The following NHSL1 variants were observed in gnomAD, a reference collection of about 807,000 sequenced individuals.
NHSL1 encodes NHS like 1.
A neutral mutation model predicts 95.0 loss-of-function variants in NHSL1; 48 were observed. The ratio of observed to expected loss-of-function variants is 0.51; its 90% CI spans 0.40 to 0.64. NHSL1 has a LOEUF of 0.64. Ranked by LOEUF, NHSL1 falls within the 30% of genes least tolerant of loss-of-function variation. The pLI is 0.00. For synonymous variants in NHSL1, 783 were observed against 833.9 expected, an observed-to-expected ratio of 0.94 and a Z score of 1.05; for missense variants, 1,971 against 2,077.7, an observed-to-expected ratio of 0.95 and a Z score of 1.00.
chr6:138,584,547 T>C (rs1784105400), intron 1 of NHSL1, among the ~76,000 whole-genome samples: 2 of 152,222 alleles, frequency 1.3e-5, no homozygotes, highest in Non-Finnish European at 2.9e-5. Context: ...GCAATTACTT[T>C]TGTTACAGTC....
chr6:138,673,511 T>C (rs1000571909), intron 1 of NHSL1, among the ~76,000 whole-genome samples: 3 of 151,382 alleles, frequency 2.0e-5, no homozygotes, highest in Non-Finnish European at 2.9e-5. Flanking sequence ...GCAACAGAGA[T>C]AGGGAGGCCC....
intron 1 of NHSL1, among the ~76,000 whole-genome samples, chr6:138,558,636 G>A (rs1783292086): frequency 6.6e-6 from 1 of 151,830 alleles, no homozygotes; most frequent in Admixed American, 6.6e-5. Context: ...GTTCAGGACG[G>A]TCTTGATCTC....
upstream of NHSL1, among the ~76,000 whole-genome samples, chr6:138,573,212 C>G (rs1783904133): frequency 6.6e-6 from 1 of 152,214 alleles, no homozygotes; most frequent in African/African-American, 2.4e-5. Context: ...TGCAAACTAT[C>G]TAGAGCCACA....
chr6:138,504,191 T>C (rs1780838092), upstream of NHSL1, among the ~76,000 whole-genome samples: 1 of 152,146 alleles, frequency 6.6e-6, no homozygotes, highest in Non-Finnish European at 1.5e-5. Context: ...GCTATGATCA[T>C]ACCACTGCAA....
chr6:138,673,042 GATAGA>G (rs1248658340), intron 1 of NHSL1, among the ~76,000 whole-genome samples: 2 of 151,434 alleles, frequency 1.3e-5, no homozygotes, highest in African/African-American at 4.9e-5. Context: ...TAGATAGATA[GATAGA>G]TAGATAGATA....
chr6:138,613,281 G>A (rs1300536260), intron 1 of NHSL1, among the ~76,000 whole-genome samples: 1 of 152,176 alleles, frequency 6.6e-6, no homozygotes, highest in East Asian at 1.9e-4. Context: ...TCGAGGTGGA[G>A]TTTTAGATGA....
chr6:138,525,017 G>T (rs996960800), intron 1 of NHSL1, among the ~76,000 whole-genome samples: 1 of 152,056 alleles, frequency 6.6e-6, no homozygotes, highest in Non-Finnish European at 1.5e-5. Flanking sequence ...GTGGCAAATG[G>T]GCGGCTACGA....
intron 1 of NHSL1, among the ~76,000 whole-genome samples, chr6:138,556,803 T>C (rs1167300013): frequency 6.6e-6 from 1 of 152,108 alleles, no homozygotes; most frequent in Admixed American, 6.6e-5. Context: ...TTTTAAATAA[T>C]TGAAATACGT....
chr6:138,665,201 C>T (rs975045907), intron 1 of NHSL1, among the ~76,000 whole-genome samples: 1 of 152,174 alleles, frequency 6.6e-6, no homozygotes, highest in African/African-American at 2.4e-5. Context: ...GGCTTATGTG[C>T]TGTGTCATAA....
intron 1 of NHSL1, among the ~76,000 whole-genome samples, chr6:138,520,340 G>A (rs1781627859): frequency 7.5e-6 from 1 of 134,000 alleles, no homozygotes; most frequent in South Asian, 2.5e-4. Flanking sequence ...CCAGGCTGGA[G>A]TGCAGTGGTG....
chr6:138,543,249 G>A (rs910109229), intron 1 of NHSL1, among the ~76,000 whole-genome samples: 1 of 152,078 alleles, frequency 6.6e-6, no homozygotes, highest in African/African-American at 2.4e-5. Flanking sequence ...GCTGAACTTC[G>A]CAGAACATCT....
upstream of NHSL1, among the ~76,000 whole-genome samples, chr6:138,549,514 C>T (rs1363885294): frequency 6.6e-6 from 1 of 152,190 alleles, no homozygotes; most frequent in East Asian, 1.9e-4. Context: ...AGAGGCAGGA[C>T]AGAATTCTCC....
intron 2 of NHSL1, among the ~76,000 whole-genome samples, chr6:138,488,945 A>G (rs761967648): frequency 1.3e-5 from 2 of 152,188 alleles, no homozygotes; most frequent in Non-Finnish European, 2.9e-5. Flanking sequence ...AGGACTGGGC[A>G]GCTCCTTTCA....
chr6:138,433,594 G>A lies in NHSL1; in HGVS notation c.751C>T (p.Arg251Trp), dbSNP rs1394465335. 6.4e-6 allele frequency: 10 copies of A among 1,551,966 alleles called. No individual in the cohort carries two copies. The highest frequency in any genetic ancestry group is 3.3e-4 in the Middle Eastern group (2 of 6,016). Residue 251 changes from arginine (R) to tryptophan (W), a missense_variant, in exon 6 of 8, where the codon CGG becomes TGG. Physicochemically the swap from Arg to Trp is moderately radical, Grantham distance 101 (BLOSUM62 -3). This residue lies in a region of NHSL1 where 1,602 missense variants were observed against 1,654.5 expected (regional missense o/e 0.97). Transcript: ENST00000343505. ...YSTLGRFNSC[R>W]SAGQRSETRD... Reference sequence around the variant, plus strand: ...GTTTCTGAGCGCTGCCCAGCAGACCGACAGCTATTGAACCTTCCTAGTGTA... The same window carrying A: ...GTTTCTGAGCGCTGCCCAGCAGACCAACAGCTATTGAACCTTCCTAGTGTA...
rs186304985 is a variant in NHSL1, at chr6:138,496,578, C to T, written c.59-207G>A. ...ATAAAAGAAAAGCTGAAAGTGTCCA[C>T]CCTCCAAACAATGTTTTCATAGAAT... On this transcript the variant is annotated intron_variant, in intron 1 of 7. Transcript: ENST00000343505. Among the ~76,000 whole-genome samples, 13 of 152,278 alleles carry T rather than the reference C, an allele frequency of 8.5e-5. No homozygotes were observed. In the East Asian group the frequency reaches 2.1e-3, roughly 25 times the overall value.
chr6:138,448,170 A>C (rs1177015948), intron 3 of NHSL1, among the ~76,000 whole-genome samples: 2 of 152,156 alleles, frequency 1.3e-5, no homozygotes, highest in African/African-American at 4.8e-5. Context: ...ACACCTTAAA[A>C]AGTGTAAGCA....
chr6:138,652,691 C>T (rs950134861), intron 1 of NHSL1, among the ~76,000 whole-genome samples: 15 of 152,052 alleles, frequency 9.9e-5, no homozygotes, highest in African/African-American at 3.4e-4. Flanking sequence ...CACTGTTATT[C>T]TCCAAGCAAT....
At chr6:138,458,690 G>A (rs996437346) in intron 3 of NHSL1, among the ~76,000 whole-genome samples, 1 of 152,086 alleles carries the variant, frequency 6.6e-6, no homozygotes, top group African/African-American at 2.4e-5. Flanking sequence ...GCTGGGTGTG[G>A]TGGCATGTGC....
chr6:138,639,333 A>ATT (rs112591439), intron 1 of NHSL1, among the ~76,000 whole-genome samples: 250 of 149,078 alleles, frequency 1.7e-3, no homozygotes, highest in African/African-American at 5.8e-3. Flanking sequence ...TTATTCATTG[A>ATT]TTTTTTTTTT....
Sources: gnomAD v4.1 joint callset for allele counts (sites outside exome capture counted in the v4.1 genomes callset) on GRCh38, gnomAD v4.1.1 for gene constraint, gnomAD v4.1.1 regional missense constraint, MANE v1.5 for transcripts, NCBI Gene and HGNC (gene_info 2026-07-23, HGNC 2026-07-21) for gene names.